The following ARMC2 variants were observed in gnomAD, a reference collection of about 807,000 sequenced individuals.
The protein encoded by ARMC2 is armadillo repeat containing 2, also known as armadillo repeat-containing protein 2.
A neutral mutation model predicts 90.3 loss-of-function variants in ARMC2; 67 were observed. That is an observed-to-expected ratio of 0.74 (90% CI 0.61 to 0.91). ARMC2 has a LOEUF of 0.91. Ranked by LOEUF, ARMC2 falls within the 40% of genes least tolerant of loss-of-function variation. ARMC2 has a pLI of 0.00. For synonymous variants in ARMC2, 393 were observed against 393.0 expected (o/e 1.00, Z 0.00); for missense variants, 920 against 1,030.9 (o/e 0.89, Z 1.47).
chr6:109,047,312 G>C, the ARMC2 span, among the ~76,000 whole-genome samples: 1 of 126,402 alleles, frequency 7.9e-6, no homozygotes, highest in Non-Finnish European at 1.7e-5. Flanking sequence ...GAGCCCCTCT[G>C]CCCGGCCAGC....
chr6:108,978,048 A>G (rs1452547099), downstream of ARMC2, among the ~76,000 whole-genome samples: 1 of 151,890 alleles, frequency 6.6e-6, no homozygotes, highest in African/African-American at 2.4e-5. Context: ...TAGCTTTTGA[A>G]TATGTTTGCT....
rs527599245 is a variant in ARMC2 at position 108,960,052 on chromosome 6, T to G, written c.1916-1520T>G. On this transcript the variant is annotated intron_variant, in intron 13 of 17. Transcript: ENST00000392644. ...GCCCAGGCCGGTCTGATTGCCCAAC[T>G]CTTAGATCCAACTGTCTACCCCTCC... 9.2e-5 allele frequency among the ~76,000 whole-genome samples: 14 copies of G among 152,234 alleles called. 1 individual carries two copies. Among genetic ancestry groups the G allele is most frequent in the Middle Eastern group, 6.8e-3 (2 of 294 alleles).
chr6:108,949,544 G>A (rs1223337675), intron 12 of ARMC2, among the ~76,000 whole-genome samples: 2 of 152,154 alleles, frequency 1.3e-5, no homozygotes, highest in Non-Finnish European at 2.9e-5. Context: ...TCTGTTTATA[G>A]TCCTCAGCTT....
intron 8 of ARMC2, chr6:108,907,591 G>T (rs1016785114): frequency 1.4e-5 from 21 of 1,539,100 alleles, no homozygotes; most frequent in Non-Finnish European, 1.8e-6. Context: ...GGGTGGGGGG[G>T]TGCAGAGCGT....
At chr6:108,999,817 AC>A in the ARMC2 span, 8 of 152,182 alleles carry the variant, frequency 5.3e-5, no homozygotes, top group African/African-American at 1.9e-4. Context: ...AAAACAAGAA[AC>A]AAAAACCTAT....
At chr6:109,042,148 T>C in the ARMC2 span, among the ~76,000 whole-genome samples, 19 of 151,904 alleles carry the variant, frequency 1.3e-4, no homozygotes, top group Admixed American at 5.9e-4. Context: ...AAAAAATATA[T>C]TGAATAGGAT....
the ARMC2 span, chr6:109,009,645 G>A: frequency 3.8e-6 from 3 of 799,154 alleles, no homozygotes; most frequent in Non-Finnish European, 4.6e-6. Context: ...AAGCCAATGC[G>A]GGCTCGCGTC....
chr6:108,998,906 G>T, the ARMC2 span: 1 of 875,270 alleles, frequency 1.1e-6, no homozygotes, highest in Non-Finnish European at 1.6e-6. Flanking sequence ...CCCAGAATTT[G>T]CTAATTTTTA....
intron 4 of ARMC2, among the ~76,000 whole-genome samples, chr6:108,869,413 CAGG>C (rs1490163216): frequency 6.6e-6 from 1 of 152,082 alleles, no homozygotes; most frequent in African/African-American, 2.4e-5. Context: ...GAGGCTGAGG[CAGG>C]AGAAGTGCTT....
At chr6:108,995,447 G>GT in the ARMC2 span, among the ~76,000 whole-genome samples, 1 of 152,196 alleles carries the variant, frequency 6.6e-6, no homozygotes, top group African/African-American at 2.4e-5. Context: ...TCTGGCAGCT[G>GT]TCACTTGCTG....
rs1198118188 is a variant in ARMC2, at chr6:108,859,024, G to A, written c.291+753G>A. On this transcript the variant is annotated intron_variant, in intron 3 of 17. Transcript: ENST00000392644. ...TTGGTTAGATCTGTTTTCTCTGACT[G>A]TGATTACATAAACCCTGTTCATAGC... 2.6e-5 allele frequency among the ~76,000 whole-genome samples: 4 copies of A among 152,176 alleles called. No individual in the cohort carries two copies. In the East Asian group the frequency reaches 7.7e-4, roughly 29 times the overall value.
At chr6:108,877,388 C>T (rs894653372) in intron 5 of ARMC2, among the ~76,000 whole-genome samples, 1 of 152,144 alleles carries the variant, frequency 6.6e-6, no homozygotes. Context: ...GTCACACATA[C>T]GGAATTTATA....
intron 8 of ARMC2, among the ~76,000 whole-genome samples, chr6:108,910,517 G>A (rs1773304872): frequency 6.6e-6 from 1 of 152,104 alleles, no homozygotes; most frequent in African/African-American, 2.4e-5. Context: ...AGAACAGATT[G>A]GAGGTTCCTC....
chr6:108,850,627 A>T (rs1190764033), intron 1 of ARMC2, among the ~76,000 whole-genome samples: 1 of 152,256 alleles, frequency 6.6e-6, no homozygotes. Context: ...CAAAAATCAG[A>T]TTTGAAATAA....
chr6:108,911,903 T>G (rs537029058), intron 9 of ARMC2, among the ~76,000 whole-genome samples: 2 of 152,240 alleles, frequency 1.3e-5, no homozygotes, highest in South Asian at 2.1e-4. Flanking sequence ...CTAGGGTGAT[T>G]GAGATTTTTT....
intron 8 of ARMC2, among the ~76,000 whole-genome samples, chr6:108,905,942 A>G (rs1427799107): frequency 6.6e-6 from 1 of 152,186 alleles, no homozygotes; most frequent in Non-Finnish European, 1.5e-5. Flanking sequence ...ATTCCAGACA[A>G]GATCTTGTTT....
chr6:108,991,930 CTTAA>C, the ARMC2 span, among the ~76,000 whole-genome samples: 1 of 152,168 alleles, frequency 6.6e-6, no homozygotes, highest in African/African-American at 2.4e-5. Flanking sequence ...TCAACCTAAG[CTTAA>C]TTATTGTCTA....
intron 1 of ARMC2, among the ~76,000 whole-genome samples, chr6:108,852,559 C>T (rs937217559): frequency 6.6e-6 from 1 of 152,184 alleles, no homozygotes; most frequent in African/African-American, 2.4e-5. Context: ...CCTGCTTCAT[C>T]ACTCTCTGAA....
At chr6:109,032,518 T>C in the ARMC2 span, among the ~76,000 whole-genome samples, 4 of 150,898 alleles carry the variant, frequency 2.7e-5, no homozygotes, top group Admixed American at 1.3e-4. Context: ...TTGGGGAGGC[T>C]GAGGCAGGAG....
Sources: gnomAD v4.1 joint callset for allele counts (sites outside exome capture counted in the v4.1 genomes callset) on GRCh38, gnomAD v4.1.1 for gene constraint, MANE v1.5 for transcripts, NCBI Gene and HGNC (gene_info 2026-07-23, HGNC 2026-07-21) for gene names.